CNNM2: variants seen among roughly 807,000 people sequenced by gnomAD.
CNNM2 encodes cyclin and CBS domain divalent metal cation transport mediator 2, also known as metal transporter CNNM2.
A neutral mutation model predicts 66.9 loss-of-function variants in CNNM2; 12 were observed. The observed-to-expected ratio is 0.18, with a 90% CI of 0.11 to 0.29. The LOEUF (loss-of-function observed/expected upper bound fraction) is 0.29. CNNM2 is among the 10% of genes least tolerant of loss of function. CNNM2 has a pLI of 1.00. For missense variants in CNNM2, 705 were observed against 1,167.7 expected (o/e 0.60, Z 5.77); for synonymous variants, 557 against 501.8 (o/e 1.11, Z -1.47).
chr10:103,058,033 G>A (rs2065323828), intron 4 of CNNM2, among the ~76,000 whole-genome samples: 2 of 151,748 alleles, frequency 1.3e-5, no homozygotes, highest in African/African-American at 4.8e-5. Flanking sequence ...GCTCGGGAAA[G>A]TGTTGTGTTC....
Position 103,078,327 on chromosome 10 carries a change from T to A in CNNM2, c.*1147T>A, listed in dbSNP as rs922906912. 1 of 152,270 alleles carries A rather than the reference T, an allele frequency of 6.6e-6. No individual in the cohort carries two copies. The highest frequency in any genetic ancestry group is 1.5e-5 in the Non-Finnish European group (1 of 68,066). The allele number at this position is 152,270 out of a possible 1,614,324, so 9.4% of individuals were successfully genotyped here. A position where few individuals can be genotyped will look rare whatever the true frequency, so the allele number is the denominator to read the frequency against. On this transcript the variant is annotated 3_prime_UTR_variant, in exon 8 of 8. Transcript: ENST00000369878. ...CTGCTCCTCCTCCCAGGGAGCCAAC[T>A]GTCCCTCCTCCCCTGTCCCTGGGCC...
At chr10:102,957,592 A>G (rs1034696551) in intron 1 of CNNM2, among the ~76,000 whole-genome samples, 4 of 152,192 alleles carry the variant, frequency 2.6e-5, no homozygotes, top group African/African-American at 9.7e-5. Flanking sequence ...TTGTTTTTAT[A>G]GTTGTCCGAC....
At chr10:103,049,951 A>G in intron 2 of CNNM2, 101 bp downstream of exon 2, 1 of 1,174,158 alleles carries the variant, frequency 8.5e-7, no homozygotes, top group East Asian at 2.4e-5. Flanking sequence ...CTCTGTTTAT[A>G]ATGACACATG....
chr10:102,978,641 A>T (rs1479078010), intron 1 of CNNM2, among the ~76,000 whole-genome samples: 1 of 152,132 alleles, frequency 6.6e-6, no homozygotes, highest in Non-Finnish European at 1.5e-5. Flanking sequence ...AAAAAACTTT[A>T]CTGATGTTTA....
intron 1 of CNNM2, among the ~76,000 whole-genome samples, chr10:102,946,766 A>G (rs545230045): frequency 6.6e-6 from 1 of 152,178 alleles, no homozygotes; most frequent in Non-Finnish European, 1.5e-5. Context: ...TGCAACCGGG[A>G]TAGAACTTGA....
At chr10:103,030,910 A>T (rs1028832861) in intron 1 of CNNM2, among the ~76,000 whole-genome samples, 8 of 152,194 alleles carry the variant, frequency 5.3e-5, no homozygotes, top group Non-Finnish European at 1.0e-4. Flanking sequence ...AGAAGATGAT[A>T]GGTTTAGTTT....
intron 6 of CNNM2, 48 bp downstream of exon 6, chr10:103,071,887 GC>G (rs779852835): frequency 3.2e-6 from 5 of 1,556,168 alleles, no homozygotes; most frequent in East Asian, 4.5e-5. Context: ...TGCCTTCCTT[GC>G]CCCCCATCAC....
chr10:102,977,370 CA>C (rs1339002430), intron 1 of CNNM2, among the ~76,000 whole-genome samples: 1 of 152,066 alleles, frequency 6.6e-6, no homozygotes, highest in Non-Finnish European at 1.5e-5. Context: ...TGTCAGTGCT[CA>C]AAAAGTTTTG....
At chr10:103,075,941 C>T in intron 6 of CNNM2, 145 bp from the exon 7 acceptor site, 1 of 724,958 alleles carries the variant, frequency 1.4e-6, no homozygotes, top group Non-Finnish European at 2.2e-6. Flanking sequence ...CATAGGATAC[C>T]CTCTGGCATA....
At chr10:102,970,183 G>C (rs2063527668) in intron 1 of CNNM2, among the ~76,000 whole-genome samples, 1 of 152,168 alleles carries the variant, frequency 6.6e-6, no homozygotes, top group Admixed American at 6.5e-5. Context: ...AGGTGTGGTG[G>C]TGCATACTTA....
intron 1 of CNNM2, among the ~76,000 whole-genome samples, chr10:102,989,345 A>T (rs1444379218): frequency 6.6e-6 from 1 of 152,184 alleles, no homozygotes; most frequent in Non-Finnish European, 1.5e-5. Flanking sequence ...CTAAAGACTT[A>T]GCTGGGGTCG....
At chr10:102,967,763 C>T (rs2063487264) in intron 1 of CNNM2, among the ~76,000 whole-genome samples, 1 of 152,216 alleles carries the variant, frequency 6.6e-6, no homozygotes, top group South Asian at 2.1e-4. Flanking sequence ...AATCCCAGCA[C>T]TTTGGGGGGC....
chr10:103,090,027 A>ACAAGT lies in CNNM2; in HGVS notation c.*12851_*12855dup. 1 of 695,394 alleles carries ACAAGT rather than the reference A, an allele frequency of 1.4e-6. No homozygotes were observed. Among genetic ancestry groups the ACAAGT allele is most frequent in the Middle Eastern group, 2.5e-4 (1 of 4,010 alleles). 43.1% of individuals were successfully genotyped at this position (695,394 alleles called of 1,614,324 possible). ...AATTACATCTATAATGGACCACAGG[A>ACAAGT]CAAGTCAATATAGACTTATCTTCAT... On this transcript the variant is annotated 3_prime_UTR_variant, in exon 8 of 8. Coordinates refer to ENST00000369878, the MANE Select transcript of CNNM2 (RefSeq NM_017649.5).
intron 6 of CNNM2, among the ~76,000 whole-genome samples, chr10:103,073,584 G>A (rs539261114): frequency 3.3e-5 from 5 of 152,166 alleles, no homozygotes; most frequent in Non-Finnish European, 7.4e-5. Context: ...AAAATGGGCC[G>A]GGCGCGGTGG....
At chr10:103,037,347 T>G (rs1223094137) in intron 1 of CNNM2, among the ~76,000 whole-genome samples, 1 of 151,604 alleles carries the variant, frequency 6.6e-6, no homozygotes, top group Non-Finnish European at 1.5e-5. Flanking sequence ...GACTCACTTT[T>G]GGGCTCAATC....
rs189066558 is a variant in CNNM2, at chr10:103,007,950, G to T, written c.1622-41757G>T. ...TTAAAATGAAATCTTCACAATTTCT[G>T]TTCCTCTGCCGCGGCTCCAGCCGGT... On this transcript the variant is annotated intron_variant, in intron 1 of 7. Coordinates refer to ENST00000369878, the MANE Select transcript of CNNM2 (RefSeq NM_017649.5). Among the ~76,000 whole-genome samples, 213 of 152,316 alleles carry T rather than the reference G, an allele frequency of 1.4e-3. 1 individual carries two copies. The highest frequency in any genetic ancestry group is 4.6e-3 in the African/African-American group (192 of 41,578).
intron 1 of CNNM2, among the ~76,000 whole-genome samples, chr10:102,943,445 A>T (rs1363254698): frequency 6.6e-6 from 1 of 152,150 alleles, no homozygotes; most frequent in Non-Finnish European, 1.5e-5. Context: ...CATCTCTAAA[A>T]CAAAAAACAA....
At chr10:103,026,119 T>A (rs1178620750) in intron 1 of CNNM2, among the ~76,000 whole-genome samples, 1 of 152,218 alleles carries the variant, frequency 6.6e-6, no homozygotes, top group African/African-American at 2.4e-5. Flanking sequence ...TGTGGGCCCC[T>A]CAATCTTGCA....
chr10:102,983,048 AAGG>A (rs2063740859), intron 1 of CNNM2, among the ~76,000 whole-genome samples: 1 of 152,112 alleles, frequency 6.6e-6, no homozygotes, highest in African/African-American at 2.4e-5. Flanking sequence ...CATAATTTGA[AAGG>A]AGACCCATAT....
Sources: allele counts gnomAD v4.1 joint callset (sites outside exome capture counted in the v4.1 genomes callset), GRCh38; gene constraint gnomAD v4.1.1; transcripts MANE v1.5; gene names NCBI Gene and HGNC (gene_info 2026-07-23, HGNC 2026-07-21).